Variants in HYDIN observed in about 807,000 individuals in gnomAD.
HYDIN encodes the protein axonemal central pair apparatus protein HYDIN.
HYDIN carries 132 observed loss-of-function variants against 403.9 expected under a neutral mutation model. The ratio of observed to expected loss-of-function variants is 0.33; its 90% CI spans 0.28 to 0.38. HYDIN has a LOEUF of 0.38. Among genes scored for constraint, HYDIN ranks in the 10% least tolerant of loss-of-function variants. The pLI is 1.00. For synonymous variants in HYDIN, 1,202 were observed against 1,891.7 expected (o/e 0.64, Z 9.46); for missense variants, 2,827 against 5,009.5 (o/e 0.56, Z 13.15).
At chr16:71,219,337 T>C (rs1319496045) in intron 1 of HYDIN, among the ~76,000 whole-genome samples, 3 of 152,252 alleles carry the variant, frequency 2.0e-5, no homozygotes, top group African/African-American at 7.2e-5. Flanking sequence ...GATTTATGCA[T>C]TGCCAGTGAA....
chr16:71,009,400 T>C (rs866704466), intron 23 of HYDIN, among the ~76,000 whole-genome samples: 2 of 143,318 alleles, frequency 1.4e-5, no homozygotes, highest in African/African-American at 2.6e-5. Context: ...TTTTTTTTTG[T>C]AAGTTTGAGT....
intron 18 of HYDIN, among the ~76,000 whole-genome samples, chr16:71,045,567 T>C (rs1299089252): frequency 6.7e-6 from 1 of 148,340 alleles, no homozygotes; most frequent in Non-Finnish European, 1.5e-5. Context: ...AAGACCATCA[T>C]CTTTTGAGAG....
chr16:70,849,515 A>G (rs1397816230), intron 75 of HYDIN, among the ~76,000 whole-genome samples: 3 of 152,090 alleles, frequency 2.0e-5, no homozygotes, highest in Non-Finnish European at 4.4e-5. Flanking sequence ...ATGTATTACA[A>G]TATAATTGCT....
rs747501245 is a variant in HYDIN at position 70,829,608 on chromosome 16, C to G, written c.14112+10G>C. On this transcript the variant is annotated intron_variant, in intron 81 of 85. Transcript: ENST00000393567. ...AGGAAACCAATGGGGGTGGGGGGAC[C>G]TCAGTCTACCTGGTGCTTGCGGTTC... 28 of 1,611,462 alleles carry G rather than the reference C, an allele frequency of 1.7e-5. 1 individual carries two copies. The highest frequency in any genetic ancestry group is 2.4e-5 in the Non-Finnish European group (28 of 1,178,830).
intron 84 of HYDIN, among the ~76,000 whole-genome samples, chr16:70,814,337 CAGG>C (rs1009977258): frequency 6.0e-5 from 6 of 99,564 alleles, no homozygotes; most frequent in African/African-American, 2.4e-4. Context: ...AGAGGAAAAG[CAGG>C]AGGAAGGCAA....
At chr16:71,178,430 A>AT (rs1555501877) in intron 4 of HYDIN, among the ~76,000 whole-genome samples, 1,298 of 118,382 alleles carry the variant, frequency 0.011, 8 homozygotes, top group South Asian at 0.053. Context: ...AAAAAAAAAA[A>AT]AAAAATATAT....
At chr16:70,938,480 G>A (rs1567865912) in intron 44 of HYDIN, 134 bp downstream of exon 44, 5 of 731,056 alleles carry the variant, frequency 6.8e-6, no homozygotes, top group Non-Finnish European at 1.1e-5. Flanking sequence ...CTCCTTGCAG[G>A]TCACCTTCCA....
chr16:70,808,191 A>G, intron 85 of HYDIN, 129 bp from the exon 86 acceptor site: 1 of 1,085,470 alleles, frequency 9.2e-7, no homozygotes, highest in Non-Finnish European at 1.3e-6. Context: ...GGAATGTTAT[A>G]AAGTTGTGTC....
chr16:71,183,693 A>G (rs2087003574), intron 3 of HYDIN, among the ~76,000 whole-genome samples: 1 of 152,192 alleles, frequency 6.6e-6, no homozygotes, highest in East Asian at 1.9e-4. Context: ...AGACACAAAT[A>G]TTATCAAACA....
chr16:70,806,373 G>C lies in HYDIN; in HGVS notation c.*1207C>G, dbSNP rs2035108032. ...TCTAGAAAAAGCTTTTTTGGTCCTA[G>C]AGTATACTGGGCTAGGGTTGTGGGG... On this transcript the variant is annotated 3_prime_UTR_variant, in exon 86 of 86. Transcript: ENST00000393567. Among the ~76,000 whole-genome samples the C allele has an allele frequency of 6.6e-6, 1 of 152,132 alleles. No homozygotes were observed. Among genetic ancestry groups the C allele is most frequent in the Non-Finnish European group, 1.5e-5 (1 of 68,020 alleles).
chr16:70,928,348 C>T (rs370116823), intron 45 of HYDIN, among the ~76,000 whole-genome samples: 37 of 152,140 alleles, frequency 2.4e-4, no homozygotes, highest in African/African-American at 6.3e-4. Flanking sequence ...CCCAGCTACT[C>T]GGGAGGCTGA....
intron 67 of HYDIN, among the ~76,000 whole-genome samples, chr16:70,863,837 T>G (rs1347280742): frequency 6.6e-6 from 1 of 151,874 alleles, no homozygotes; most frequent in Non-Finnish European, 1.5e-5. Flanking sequence ...TGAGCTGAGA[T>G]CATGCCACTG....
rs573961458 is a variant in HYDIN at position 70,953,661 on chromosome 16, C to G, written c.6317-1026G>C. ...TTCTGGGCTTTTCTGGCTGCTTCACCTACCCTAGTGGTTTCATGGAGAAAG... is the reference window on the plus strand; with the variant it reads ...TTCTGGGCTTTTCTGGCTGCTTCACGTACCCTAGTGGTTTCATGGAGAAAG... On this transcript the variant is annotated intron_variant, in intron 40 of 85. Coordinates refer to ENST00000393567, the MANE Select transcript of HYDIN (RefSeq NM_001270974.2). Among the ~76,000 whole-genome samples, 6 of 152,244 alleles carry G rather than the reference C, an allele frequency of 3.9e-5. No homozygotes were observed. In the East Asian group the frequency reaches 1.2e-3, roughly 30 times the overall value.
intron 18 of HYDIN, among the ~76,000 whole-genome samples, chr16:71,060,217 G>A (rs1393810311): frequency 6.6e-6 from 1 of 151,916 alleles, no homozygotes. Context: ...GTACTTGCCT[G>A]TTTACCAAAA....
chr16:70,990,766 G>C lies in HYDIN; in HGVS notation c.3864+552C>G, dbSNP rs2079324237. Among the ~76,000 whole-genome samples the C allele has an allele frequency of 2.0e-5, 3 of 152,294 alleles. No homozygotes were observed. In the South Asian group the frequency reaches 6.2e-4, roughly 32 times the overall value. On this transcript the variant is annotated intron_variant, in intron 25 of 85. Coordinates refer to ENST00000393567, the MANE Select transcript of HYDIN (RefSeq NM_001270974.2). ...AGGTGTATCTGGAGGATAATTTCTA[G>C]AAGGGGGACAATGCATTTTAAATTT...
chr16:70,929,044 T>C (rs1798406), intron 45 of HYDIN, among the ~76,000 whole-genome samples: 1 of 152,148 alleles, frequency 6.6e-6, no homozygotes, highest in Admixed American at 6.5e-5. Context: ...AATCCCAGCA[T>C]TTTGGGAGGC....
chr16:71,116,546 A>C (rs2084042514), intron 9 of HYDIN, among the ~76,000 whole-genome samples: 3 of 152,082 alleles, frequency 2.0e-5, no homozygotes, highest in Admixed American at 2.0e-4. Context: ...GGATATACCC[A>C]GATGAGGGAT....
At chr16:70,845,781 T>C (rs2038160258) in intron 75 of HYDIN, among the ~76,000 whole-genome samples, 1 of 136,518 alleles carries the variant, frequency 7.3e-6, no homozygotes, top group Admixed American at 6.9e-5. Context: ...AGAGTGTATG[T>C]GTCGAGGAAT....
chr16:71,072,307 T>C (rs1387100923), intron 13 of HYDIN, among the ~76,000 whole-genome samples: 4 of 147,578 alleles, frequency 2.7e-5, no homozygotes, highest in Non-Finnish European at 4.5e-5. Flanking sequence ...TCCAGAAACA[T>C]TGTACAAGTG....
Sources: allele counts gnomAD v4.1 joint callset (sites outside exome capture counted in the v4.1 genomes callset), GRCh38; gene constraint gnomAD v4.1.1; transcripts MANE v1.5; gene names NCBI Gene and HGNC (gene_info 2026-07-23, HGNC 2026-07-21).